GABBR2: variants seen among roughly 807,000 people sequenced by gnomAD.
GABBR2 encodes G-protein coupled receptor 51.
Under a neutral mutation model 105.6 loss-of-function variants are expected in GABBR2, and 23 were observed. That is an observed-to-expected ratio of 0.22 (90% CI 0.16 to 0.31). The LOEUF is 0.31. Among genes scored for constraint, GABBR2 ranks in the 10% least tolerant of loss-of-function variants. The pLI is 1.00. For missense variants in GABBR2, 734 were observed against 1,245.5 expected, an observed-to-expected ratio of 0.59 and a Z score of 6.18; for synonymous variants, 478 against 499.7, an observed-to-expected ratio of 0.96 and a Z score of 0.58.
At chr9:98,654,137 G>A (rs533390832) in intron 1 of GABBR2, among the ~76,000 whole-genome samples, 4 of 152,300 alleles carry the variant, frequency 2.6e-5, no homozygotes, top group African/African-American at 4.8e-5. Flanking sequence ...AGCTACACAC[G>A]ATGAGGAAAG....
In GABBR2 at chr9:98,541,850, G is replaced by A. The variant is rs775575204; in HGVS notation, c.630+23C>T. 2.3e-5 allele frequency: 37 copies of A among 1,611,010 alleles called. No homozygotes were observed. In the East Asian group the frequency reaches 3.8e-4, roughly 17 times the overall value. Reference sequence around the variant, plus strand: ...ACAGCAGCAAGCAGTAAGGCAGGCCGTGTCCACACAAGCCGAGCGTACCTC... The same window carrying A: ...ACAGCAGCAAGCAGTAAGGCAGGCCATGTCCACACAAGCCGAGCGTACCTC... On this transcript the variant is annotated intron_variant, in intron 3 of 18. Transcript: ENST00000259455.
intron 12 of GABBR2, among the ~76,000 whole-genome samples, chr9:98,368,907 G>A (rs1000370548): frequency 6.6e-6 from 1 of 152,196 alleles, no homozygotes; most frequent in African/African-American, 2.4e-5. Context: ...CGTTCATTAG[G>A]GTCAGGGCGG....
At chr9:98,484,052 A>G (rs1289453711) in intron 4 of GABBR2, among the ~76,000 whole-genome samples, 1 of 152,218 alleles carries the variant, frequency 6.6e-6, no homozygotes, top group Non-Finnish European at 1.5e-5. Flanking sequence ...AGTAGCCATT[A>G]TCATCACTGC....
At chr9:98,489,648 C>T (rs773844539) in intron 4 of GABBR2, among the ~76,000 whole-genome samples, 1 of 152,082 alleles carries the variant, frequency 6.6e-6, no homozygotes. Flanking sequence ...AAGTTTCGAA[C>T]GTAATATCAA....
intron 6 of GABBR2, among the ~76,000 whole-genome samples, chr9:98,472,371 G>C (rs1466583158): frequency 6.6e-6 from 1 of 152,120 alleles, no homozygotes; most frequent in Non-Finnish European, 1.5e-5. Flanking sequence ...AGATAAGCAG[G>C]GCAGGAATTA....
At chr9:98,375,376 C>T (rs1366579588) in intron 11 of GABBR2, 3 of 152,164 alleles carry the variant, frequency 2.0e-5, no homozygotes, top group Admixed American at 6.5e-5. Context: ...CTCCTCATGA[C>T]TTCTGCCTTC....
chr9:98,293,871 G>A lies in GABBR2; in HGVS notation c.2574C>T (p.Leu858=), dbSNP rs762613895. ...DGGKAILKNH[L]DQNPQLQWNT... is the part of the protein sequence containing the mutation. ...TCCACTGTAGCTGGGGATTTTGATC[G>A]AGGTGATTTTTTAAAATGGCCTTTC... The change falls in exon 18 of 19, where the codon CTC becomes CTT. Residue 858 remains leucine, a synonymous_variant. Transcript: ENST00000259455. The A allele has an allele frequency of 8.1e-6, 13 of 1,611,732 alleles. No homozygotes were observed. The highest frequency in any genetic ancestry group is 6.7e-5 in the East Asian group (3 of 44,890).
chr9:98,412,799 G>A (rs1055118858), intron 7 of GABBR2, among the ~76,000 whole-genome samples: 2 of 152,182 alleles, frequency 1.3e-5, no homozygotes, highest in East Asian at 1.9e-4. Flanking sequence ...CCCCCATTCC[G>A]GAGAGAGCCC....
chr9:98,302,606 C>A (rs1440033845), intron 16 of GABBR2, among the ~76,000 whole-genome samples: 1 of 152,170 alleles, frequency 6.6e-6, no homozygotes, highest in African/African-American at 2.4e-5. Flanking sequence ...TCTATTAAAG[C>A]AACACACAGC....
chr9:98,438,306 A>ACC (rs1339820809), intron 7 of GABBR2, among the ~76,000 whole-genome samples: 1 of 149,790 alleles, frequency 6.7e-6, no homozygotes, highest in Non-Finnish European at 1.5e-5. Context: ...TCACATTCCC[A>ACC]CCCCTCCACC....
chr9:98,527,934 C>T (rs1038129102), intron 3 of GABBR2, among the ~76,000 whole-genome samples: 1 of 152,174 alleles, frequency 6.6e-6, no homozygotes, highest in Non-Finnish European at 1.5e-5. Flanking sequence ...TGTAAAAACT[C>T]AGCAACAGTC....
intron 13 of GABBR2, among the ~76,000 whole-genome samples, chr9:98,332,400 AG>A (rs1831043856): frequency 6.6e-6 from 1 of 152,198 alleles, no homozygotes; most frequent in Non-Finnish European, 1.5e-5. Flanking sequence ...TCTATGTGCC[AG>A]GCTCAGAACT....
At chr9:98,689,026 A>G (rs539593367) in intron 1 of GABBR2, among the ~76,000 whole-genome samples, 25 of 152,346 alleles carry the variant, frequency 1.6e-4, no homozygotes, top group Non-Finnish European at 2.8e-4. Flanking sequence ...GGTCACCACT[A>G]TCATGAAGAC....
intron 7 of GABBR2, among the ~76,000 whole-genome samples, chr9:98,438,143 C>T (rs1035251850): frequency 1.3e-5 from 2 of 149,410 alleles, no homozygotes; most frequent in Admixed American, 6.7e-5. Context: ...CCTACCCACA[C>T]GTTATCCCTC....
At chr9:98,439,506 G>T (rs1825993288) in intron 7 of GABBR2, among the ~76,000 whole-genome samples, 1 of 152,172 alleles carries the variant, frequency 6.6e-6, no homozygotes, top group Admixed American at 6.5e-5. Context: ...CTAATATCGG[G>T]CTTCTAGGTA....
intron 3 of GABBR2, among the ~76,000 whole-genome samples, chr9:98,526,195 G>A (rs1827957609): frequency 6.6e-6 from 1 of 152,114 alleles, no homozygotes; most frequent in Non-Finnish European, 1.5e-5. Flanking sequence ...TTCTCCAATA[G>A]TTTCCCAACT....
At chr9:98,683,025 G>A (rs1830569669) in intron 1 of GABBR2, among the ~76,000 whole-genome samples, 1 of 152,082 alleles carries the variant, frequency 6.6e-6, no homozygotes, top group Non-Finnish European at 1.5e-5. Flanking sequence ...GTGGGCTCAG[G>A]GGGCTTCATC....
chr9:98,295,051 A>G (rs1405800511), intron 17 of GABBR2, among the ~76,000 whole-genome samples: 3 of 152,138 alleles, frequency 2.0e-5, no homozygotes, highest in African/African-American at 4.8e-5. Context: ...TATGTATGTC[A>G]TTTTGCACCT....
chr9:98,488,015 A>C (rs1827096597), intron 4 of GABBR2, among the ~76,000 whole-genome samples: 1 of 152,200 alleles, frequency 6.6e-6, no homozygotes, highest in Admixed American at 6.5e-5. Flanking sequence ...ACAGTGATAC[A>C]GTGTGGGAAA....
Sources: gnomAD v4.1 joint callset for allele counts (sites outside exome capture counted in the v4.1 genomes callset) on GRCh38, gnomAD v4.1.1 for gene constraint, MANE v1.5 for transcripts, NCBI Gene and HGNC (gene_info 2026-07-23, HGNC 2026-07-21) for gene names.